The following HYCC1 variants were observed in gnomAD, a reference collection of about 807,000 sequenced individuals.
HYCC1 encodes hyccin PI4KA lipid kinase complex subunit 1.
At chr7:22,978,077 A>C in the HYCC1 span, 1 of 613,718 alleles carries the variant, frequency 1.6e-6, no homozygotes, top group East Asian at 2.7e-5. Flanking sequence ...CAATCCATAA[A>C]GGTAAGTTAC....
At chr7:22,920,499 T>C in the HYCC1 span, among the ~76,000 whole-genome samples, 3 of 152,156 alleles carry the variant, frequency 2.0e-5, no homozygotes, top group Admixed American at 6.5e-5. Flanking sequence ...ACAGTCAACA[T>C]TGAATCTTAT....
At chr7:22,925,021 C>G in the HYCC1 span, among the ~76,000 whole-genome samples, 2 of 152,164 alleles carry the variant, frequency 1.3e-5, no homozygotes, top group Non-Finnish European at 2.9e-5. Flanking sequence ...ATTTGCGGCT[C>G]ACCAATACCA....
At chr7:22,980,077 A>T in the HYCC1 span, among the ~76,000 whole-genome samples, 2 of 152,104 alleles carry the variant, frequency 1.3e-5, no homozygotes, top group African/African-American at 4.8e-5. Flanking sequence ...AAATCACATG[A>T]CTCACAAGGG....
At chr7:22,949,298 G>C in the HYCC1 span, among the ~76,000 whole-genome samples, 1 of 152,024 alleles carries the variant, frequency 6.6e-6, no homozygotes, top group South Asian at 2.1e-4. Flanking sequence ...CAAGGAAACT[G>C]AAGTTCAGGA....
the HYCC1 span, chr7:22,964,600 A>T: frequency 4.7e-6 from 4 of 855,104 alleles, no homozygotes; most frequent in Non-Finnish European, 8.0e-6. Flanking sequence ...TAACATTTAT[A>T]AGCCAACAAT....
chr7:22,919,615 A>C, the HYCC1 span, among the ~76,000 whole-genome samples: 1 of 152,188 alleles, frequency 6.6e-6, no homozygotes, highest in Non-Finnish European at 1.5e-5. Flanking sequence ...TAAAAAAAAA[A>C]AACTAATAAT....
At chr7:22,962,563 C>G in the HYCC1 span, among the ~76,000 whole-genome samples, 1 of 146,688 alleles carries the variant, frequency 6.8e-6, no homozygotes, top group Middle Eastern at 3.2e-3. Flanking sequence ...AAGACCAATT[C>G]GGCTCTGAGG....
chr7:22,965,521 A>G, the HYCC1 span, among the ~76,000 whole-genome samples: 1 of 151,312 alleles, frequency 6.6e-6, no homozygotes, highest in Non-Finnish European at 1.5e-5. Context: ...CCTATGTGAC[A>G]AACCTGCATG....
At chr7:22,904,558 G>C in the HYCC1 span, among the ~76,000 whole-genome samples, 1 of 151,952 alleles carries the variant, frequency 6.6e-6, no homozygotes, top group Non-Finnish European at 1.5e-5. Flanking sequence ...AAAGGTATAA[G>C]TCACATTTTA....
chr7:22,905,640 C>G, the HYCC1 span, among the ~76,000 whole-genome samples: 1 of 151,842 alleles, frequency 6.6e-6, no homozygotes, highest in African/African-American at 2.4e-5. Flanking sequence ...GTGCTATTAT[C>G]ATCCTGTAAG....
the HYCC1 span, among the ~76,000 whole-genome samples, chr7:22,975,355 C>G: frequency 6.6e-6 from 1 of 152,154 alleles, no homozygotes; most frequent in African/African-American, 2.4e-5. Flanking sequence ...TCATATTCAA[C>G]CAATCAGGAA....
chr7:22,938,204 T>C, the HYCC1 span: 13 of 152,200 alleles, frequency 8.5e-5, no homozygotes, highest in African/African-American at 2.9e-4. Flanking sequence ...AGGAAATTCC[T>C]AAGGTTGAAG....
the HYCC1 span, among the ~76,000 whole-genome samples, chr7:22,966,074 T>C: frequency 2.6e-5 from 4 of 152,114 alleles, no homozygotes; most frequent in Admixed American, 6.6e-5. Flanking sequence ...TGAAAATCTA[T>C]TTAAATGACA....
the HYCC1 span, among the ~76,000 whole-genome samples, chr7:22,898,036 A>C: frequency 6.6e-6 from 1 of 151,498 alleles, no homozygotes; most frequent in Non-Finnish European, 1.5e-5. Context: ...AGGGATTCCA[A>C]ATGTTTCTTT....
At chr7:22,919,606 A>T in the HYCC1 span, among the ~76,000 whole-genome samples, 12 of 146,456 alleles carry the variant, frequency 8.2e-5, no homozygotes, top group African/African-American at 2.2e-4. Flanking sequence ...ATGAATTATT[A>T]AAAAAAAAAA....
the HYCC1 span, among the ~76,000 whole-genome samples, chr7:22,933,965 G>C: frequency 8.5e-5 from 13 of 152,144 alleles, no homozygotes; most frequent in Non-Finnish European, 1.9e-4. Flanking sequence ...CAGGCAGACT[G>C]CATTAATTCA....
the HYCC1 span, among the ~76,000 whole-genome samples, chr7:22,922,961 T>C: frequency 6.6e-6 from 1 of 152,128 alleles, no homozygotes; most frequent in East Asian, 1.9e-4. Flanking sequence ...TTAACAATAA[T>C]AGTGAGATAC....
At chr7:22,945,808 T>C in the HYCC1 span, 6 of 1,613,670 alleles carry the variant, frequency 3.7e-6, no homozygotes, top group African/African-American at 5.3e-5. Context: ...ATTTACTAAA[T>C]ACAGTCGCTG....
the HYCC1 span, among the ~76,000 whole-genome samples, chr7:22,901,832 T>C: frequency 1.4e-3 from 209 of 152,304 alleles, no homozygotes; most frequent in Non-Finnish European, 2.1e-3. Context: ...GCAATCATAG[T>C]AAAATATTTT....
Sources: gnomAD v4.1 joint callset for allele counts (sites outside exome capture counted in the v4.1 genomes callset) on GRCh38, gnomAD v4.1.1 for gene constraint, MANE v1.5 for transcripts, NCBI Gene and HGNC (gene_info 2026-07-23, HGNC 2026-07-21) for gene names.